SLC30A8: variants seen among roughly 807,000 people sequenced by gnomAD.
SLC30A8 encodes the protein proton-coupled zinc antiporter SLC30A8.
In SLC30A8, 27 loss-of-function variants were observed where a neutral mutation model predicts 36.9. The observed-to-expected ratio is 0.73, with a 90% CI of 0.54 to 1.01. The LOEUF (loss-of-function observed/expected upper bound fraction) is 1.01. Ranked by LOEUF, SLC30A8 falls within the 50% of genes least tolerant of loss-of-function variation. The pLI is 0.00. For missense variants in SLC30A8, 439 were observed against 452.0 expected, an observed-to-expected ratio of 0.97 and a Z score of 0.26; for synonymous variants, 164 against 172.4, an observed-to-expected ratio of 0.95 and a Z score of 0.38.
intron 4 of SLC30A8, among the ~76,000 whole-genome samples, chr8:117,160,126 C>T (rs944409671): frequency 4.6e-5 from 7 of 152,144 alleles, no homozygotes; most frequent in South Asian, 4.1e-4. Flanking sequence ...ATCGGAATTG[C>T]GATTCAGGAA....
At position 117,075,962 on chromosome 8, in the gene SLC30A8, G is replaced by A. The variant is rs139368883; in HGVS notation, c.-226+36704G>A. ...ATACACAATATGGGTTTGTGTCTCC[G>A]TGTACCTTTACCTAGAATTTCCTCT... On this transcript the variant is annotated intron_variant, in intron 2 of 10. Transcript: ENST00000427715. Among the ~76,000 whole-genome samples, 5 of 152,188 alleles carry A rather than the reference G, an allele frequency of 3.3e-5. No individual in the cohort carries two copies. The East Asian group carries it at 7.7e-4, about 23-fold the overall frequency.
At chr8:116,973,951 T>C (rs1267010040) in intron 1 of SLC30A8, among the ~76,000 whole-genome samples, 4 of 152,196 alleles carry the variant, frequency 2.6e-5, no homozygotes, top group Admixed American at 1.3e-4. Context: ...GGATTCCCTA[T>C]TTAATAAATG....
intron 1 of SLC30A8, among the ~76,000 whole-genome samples, chr8:117,038,561 T>C (rs948538874): frequency 6.6e-6 from 1 of 152,220 alleles, no homozygotes; most frequent in African/African-American, 2.4e-5. Context: ...AGTATTTTGC[T>C]TCTACAAACA....
intron 2 of SLC30A8, among the ~76,000 whole-genome samples, chr8:117,065,117 C>G (rs1411619088): frequency 6.6e-6 from 1 of 151,654 alleles, no homozygotes; most frequent in African/African-American, 2.4e-5. Context: ...AGTGTGTCTC[C>G]CAGAAAGTTA....
chr8:116,967,912 G>A (rs1027368731), intron 1 of SLC30A8, among the ~76,000 whole-genome samples: 1 of 152,116 alleles, frequency 6.6e-6, no homozygotes. Context: ...CCTTCTGGAA[G>A]AAGATGCAAT....
chr8:117,113,532 G>A (rs1187618108), intron 2 of SLC30A8, among the ~76,000 whole-genome samples: 2 of 152,124 alleles, frequency 1.3e-5, no homozygotes, highest in African/African-American at 4.8e-5. Flanking sequence ...TGTATACTAA[G>A]CCTGGCTGCA....
chr8:117,119,202 A>T (rs188752080), intron 2 of SLC30A8, among the ~76,000 whole-genome samples: 1 of 152,058 alleles, frequency 6.6e-6, no homozygotes, highest in Admixed American at 6.6e-5. Context: ...CTAGCAGTAA[A>T]CAATCATCTC....
chr8:117,096,914 G>A (rs189076598), intron 2 of SLC30A8, among the ~76,000 whole-genome samples: 27 of 152,046 alleles, frequency 1.8e-4, no homozygotes, highest in Admixed American at 5.2e-4. Flanking sequence ...TCTGGCACTC[G>A]TTGTCTTATT....
rs553447675 is a variant in SLC30A8, at chr8:116,999,066, C to G, written c.-265-40153C>G. 3.4e-4 allele frequency among the ~76,000 whole-genome samples: 52 copies of G among 152,302 alleles called. 1 individual carries two copies. Among genetic ancestry groups the G allele is most frequent in the African/African-American group, 1.0e-3 (42 of 41,572 alleles). On this transcript the variant is annotated intron_variant, in intron 1 of 10. Coordinates refer to the SLC30A8 transcript ENST00000427715. ...CTGAAGTCAGGAGTTTGAGACCAGC[C>G]TGGCCAACATGGTGAAACCCTGTCT...
At chr8:117,004,924 A>G (rs542277154) in intron 1 of SLC30A8, among the ~76,000 whole-genome samples, 8 of 152,106 alleles carry the variant, frequency 5.3e-5, no homozygotes, top group Non-Finnish European at 1.0e-4. Context: ...ATATTTTTCC[A>G]GGAGCCTCTC....
chr8:116,950,553 A>T (rs528062446), upstream of SLC30A8: 1 of 152,342 alleles, frequency 6.6e-6, no homozygotes, highest in African/African-American at 2.4e-5. Context: ...CTCAGGACTG[A>T]ACTGGCAGCA....
intron 2 of SLC30A8, among the ~76,000 whole-genome samples, chr8:117,071,133 TAATGGCTATACTAATTTATAGTCCCAC>T (rs1256523454): frequency 4.6e-5 from 7 of 152,188 alleles, no homozygotes; most frequent in African/African-American, 1.7e-4. Context: ...CTGTTGTCCA[TAATGGCTATACTAATTTATAGTCCCAC>T]CAACAACATA....
At chr8:116,998,256 G>C (rs912262183) in intron 1 of SLC30A8, among the ~76,000 whole-genome samples, 1 of 152,202 alleles carries the variant, frequency 6.6e-6, no homozygotes, top group Non-Finnish European at 1.5e-5. Context: ...ACAGAAACAT[G>C]AACAGGTGGT....
At chr8:117,110,608 G>C (rs546995736) in intron 2 of SLC30A8, among the ~76,000 whole-genome samples, 1 of 152,286 alleles carries the variant, frequency 6.6e-6, no homozygotes, top group African/African-American at 2.4e-5. Flanking sequence ...GGGGGATAAA[G>C]TGTCCTGAGC....
At chr8:116,963,515 A>G (rs1012275602) in intron 1 of SLC30A8, among the ~76,000 whole-genome samples, 3 of 152,248 alleles carry the variant, frequency 2.0e-5, no homozygotes, top group African/African-American at 7.2e-5. Context: ...TATAAATGGA[A>G]CAATACAATT....
At position 117,002,438 on chromosome 8, in the gene SLC30A8, T is replaced by C. The variant is rs201312812; in HGVS notation, c.-265-36781T>C. Among the ~76,000 whole-genome samples, 16 of 152,312 alleles carry C rather than the reference T, an allele frequency of 1.1e-4. No individual in the cohort carries two copies. In the East Asian group the frequency reaches 2.9e-3, roughly 28 times the overall value. On this transcript the variant is annotated intron_variant, in intron 1 of 10. Transcript: ENST00000427715. ...GACAACCTGTATTCCAGATCTAACA[T>C]TGGTTATTCCAAATAAGGCTTTGGA...
intron 1 of SLC30A8, among the ~76,000 whole-genome samples, chr8:116,977,843 G>T (rs1413545321): frequency 6.6e-6 from 1 of 152,108 alleles, no homozygotes; most frequent in Non-Finnish European, 1.5e-5. Flanking sequence ...GTGGGGGAAG[G>T]GAAAGCCTGT....
chr8:117,012,815 A>T (rs921264412), intron 1 of SLC30A8, among the ~76,000 whole-genome samples: 1 of 151,136 alleles, frequency 6.6e-6, no homozygotes, highest in African/African-American at 2.4e-5. Context: ...TATATTTCTT[A>T]TAATCTTATA....
At chr8:116,950,541 G>T (rs1005730250), upstream of SLC30A8, 31 of 152,172 alleles carry the variant, frequency 2.0e-4, no homozygotes, top group African/African-American at 7.5e-4. Context: ...TTCCTAAGGC[G>T]TCTCAGGACT....
Sources: allele counts gnomAD v4.1 joint callset (sites outside exome capture counted in the v4.1 genomes callset), GRCh38; gene constraint gnomAD v4.1.1; transcripts MANE v1.5; gene names NCBI Gene and HGNC (gene_info 2026-07-23, HGNC 2026-07-21).